Variants in FAAH2 observed in about 807,000 individuals in gnomAD.
The protein encoded by FAAH2 is fatty acid amide hydrolase 2.
FAAH2 carries 60 observed loss-of-function variants against 36.9 expected under a neutral mutation model. The ratio of observed to expected loss-of-function variants is 1.63; its 90% CI spans 1.32 to 2.02. FAAH2 has a LOEUF of 2.02. Ranked by LOEUF, FAAH2 falls within the 30% of genes most tolerant of loss-of-function variation. FAAH2 has a pLI of 0.00. For missense variants in FAAH2, 689 were observed against 397.5 expected (o/e 1.73, Z -6.23); for synonymous variants, 214 against 143.8 (o/e 1.49, Z -3.49).
At chrX:57,367,201 G>A (rs776348070) in intron 5 of FAAH2, among the ~76,000 whole-genome samples, 11 of 112,787 alleles carry the variant, frequency 9.8e-5, no homozygotes, top group Admixed American at 2.8e-4. Flanking sequence ...ATAAAGGAAA[G>A]CACAAAATGT....
At chrX:57,139,666 G>A in the FAAH2 span, among the ~76,000 whole-genome samples, 1 of 111,348 alleles carries the variant, frequency 9.0e-6, no homozygotes, top group Non-Finnish European at 1.9e-5. Context: ...ATGTTAGCCA[G>A]GATGGTCTCG....
At chrX:57,423,916 C>A (rs2056096836) in intron 7 of FAAH2, among the ~76,000 whole-genome samples, 1 of 111,503 alleles carries the variant, frequency 9.0e-6, no homozygotes, top group African/African-American at 3.3e-5. Context: ...ACAGCTGGCT[C>A]TCACCTGAAA....
the FAAH2 span, chrX:57,137,406 C>A: frequency 5.4e-6 from 4 of 734,154 alleles, no homozygotes; most frequent in Non-Finnish European, 6.4e-6. Context: ...AGCACTGCAG[C>A]GGTGTCCCCA....
At chrX:57,464,988 A>G (rs1476864571) in intron 10 of FAAH2, among the ~76,000 whole-genome samples, 1 of 112,172 alleles carries the variant, frequency 8.9e-6, no homozygotes, top group Non-Finnish European at 1.9e-5. Flanking sequence ...CCATGTTCTA[A>G]GAATCAAAAG....
chrX:57,401,198 T>A (rs1324457819), intron 7 of FAAH2, among the ~76,000 whole-genome samples: 4 of 111,770 alleles, frequency 3.6e-5, no homozygotes, highest in Non-Finnish European at 7.5e-5. Flanking sequence ...AACGGGCAGC[T>A]AAAAGTAAAT....
intron 10 of FAAH2, among the ~76,000 whole-genome samples, chrX:57,462,026 T>C (rs1013170853): frequency 3.6e-5 from 4 of 109,600 alleles, no homozygotes; most frequent in Admixed American, 1.9e-4. Flanking sequence ...AACACCTCTA[T>C]GCAAATAAAC....
At chrX:57,411,422 G>A (rs754961010) in intron 7 of FAAH2, among the ~76,000 whole-genome samples, 2 of 111,132 alleles carry the variant, frequency 1.8e-5, no homozygotes, top group East Asian at 2.8e-4. Flanking sequence ...CCACTGGGGA[G>A]GAAGGAAGCT....
intron 4 of FAAH2, among the ~76,000 whole-genome samples, chrX:57,337,340 G>T (rs1016196789): frequency 2.8e-5 from 3 of 108,757 alleles, no homozygotes; most frequent in African/African-American, 1.0e-4. Context: ...AAGAGGAGCT[G>T]ATACCATTTC....
chrX:57,190,842 G>T, the FAAH2 span, among the ~76,000 whole-genome samples: 2 of 110,425 alleles, frequency 1.8e-5, no homozygotes, highest in East Asian at 5.7e-4. Context: ...TTAATGTTCG[G>T]CCATCCTGCA....
At chrX:57,436,293 TG>T (rs1343603128) in intron 8 of FAAH2, among the ~76,000 whole-genome samples, 1 of 109,725 alleles carries the variant, frequency 9.1e-6, no homozygotes, top group Non-Finnish European at 1.9e-5. Flanking sequence ...AACCTAATGA[TG>T]GACTGCCATG....
At chrX:57,352,010 A>ATATG (rs1555979937) in intron 5 of FAAH2, among the ~76,000 whole-genome samples, 1 of 30,170 alleles carries the variant, frequency 3.3e-5, no homozygotes, top group Non-Finnish European at 1.3e-4. Flanking sequence ...AAGCAAATAT[A>ATATG]TGTGTGTGTG....
At chrX:57,253,818 C>G in the FAAH2 span, among the ~76,000 whole-genome samples, 1 of 111,720 alleles carries the variant, frequency 9.0e-6, no homozygotes, top group South Asian at 3.7e-4. Context: ...ACTGTAAAAA[C>G]ATGCCAAATT....
chrX:57,338,508 A>G (rs1398761462), intron 4 of FAAH2, among the ~76,000 whole-genome samples: 5 of 111,624 alleles, frequency 4.5e-5, no homozygotes, highest in Admixed American at 9.5e-5. Flanking sequence ...CCATCTGGGC[A>G]TATACTTGCA....
At chrX:57,439,167 G>A (rs1271211850) in intron 8 of FAAH2, among the ~76,000 whole-genome samples, 2 of 109,777 alleles carry the variant, frequency 1.8e-5, no homozygotes, top group Non-Finnish European at 3.8e-5. Context: ...GATCCCTGAG[G>A]AATCACCACA....
chrX:57,166,028 G>T, the FAAH2 span, among the ~76,000 whole-genome samples: 1 of 111,129 alleles, frequency 9.0e-6, no homozygotes, highest in African/African-American at 3.3e-5. Flanking sequence ...GTGGCTGGTT[G>T]TTGAGAGGAG....
Position 57,353,583 on chromosome X carries a change from CAATAGAAACAAA to C in FAAH2, c.742+12197_742+12208del, listed in dbSNP as rs756584602. 4.2e-3 allele frequency among the ~76,000 whole-genome samples: 451 copies of C among 108,511 alleles called. 3 individuals are homozygous for C. The highest frequency in any genetic ancestry group is 0.014 in the African/African-American group (432 of 30,084). 94.2% of individuals were successfully genotyped at this position (108,511 alleles called of 115,157 possible). A position where few individuals can be genotyped will look rare whatever the true frequency, so the allele number is the denominator to read the frequency against. ...ATGACTAAGACCACAAAAGCACAGT[CAATAGAAACAAA>C]AATGGACAAATGTGACTTAATTAAA... is the stretch of plus-strand genomic sequence containing the variant. On this transcript the variant is annotated intron_variant, in intron 5 of 10. Transcript: ENST00000374900.
the FAAH2 span, among the ~76,000 whole-genome samples, chrX:57,209,076 G>A: frequency 8.9e-6 from 1 of 112,115 alleles, no homozygotes. Flanking sequence ...TTTAAGGGAA[G>A]TTGGCTCCCC....
At chrX:57,419,503 G>A (rs770735390) in intron 7 of FAAH2, among the ~76,000 whole-genome samples, 1 of 112,200 alleles carries the variant, frequency 8.9e-6, no homozygotes, top group Admixed American at 9.4e-5. Flanking sequence ...TTTTTTGGCA[G>A]CATAAATGTC....
At chrX:57,285,946 T>C (rs1377458658), upstream of FAAH2, among the ~76,000 whole-genome samples, 1 of 111,536 alleles carries the variant, frequency 9.0e-6, no homozygotes, top group Non-Finnish European at 1.9e-5. Flanking sequence ...CCAGACTGAG[T>C]TGAGAAGGAA....
Sources: allele counts gnomAD v4.1 joint callset (sites outside exome capture counted in the v4.1 genomes callset), GRCh38; gene constraint gnomAD v4.1.1; transcripts MANE v1.5; gene names NCBI Gene and HGNC (gene_info 2026-07-23, HGNC 2026-07-21).